TNFRSF13B: variants seen among roughly 807,000 people sequenced by gnomAD.
The protein encoded by TNFRSF13B is tumor necrosis factor receptor superfamily member 13B.
TNFRSF13B carries 34 observed loss-of-function variants against 24.0 expected under a neutral mutation model. The observed-to-expected ratio is 1.41, with a 90% confidence interval of 1.08 to 1.88. The LOEUF is 1.88. Among genes scored for constraint, TNFRSF13B ranks in the 40% most tolerant of loss-of-function variants. The pLI is 0.00. For synonymous variants in TNFRSF13B, 173 were observed against 150.3 expected (o/e 1.15, Z -1.10); for missense variants, 415 against 380.8 (o/e 1.09, Z -0.75).
chr17:16,946,502 A>G (rs1486780040), intron 3 of TNFRSF13B, among the ~76,000 whole-genome samples: 5 of 152,246 alleles, frequency 3.3e-5, no homozygotes, highest in Admixed American at 3.3e-4. Context: ...CCTTCTTGCC[A>G]TGTCCAAAGT....
intron 1 of TNFRSF13B, among the ~76,000 whole-genome samples, chr17:16,966,247 C>G (rs1362166304): frequency 6.7e-6 from 1 of 149,836 alleles, no homozygotes; most frequent in South Asian, 2.2e-4. Context: ...GAGTGAGACT[C>G]CATCTCAAAA....
At chr17:16,949,300 A>G (rs535332249) in intron 2 of TNFRSF13B, among the ~76,000 whole-genome samples, 40 of 152,314 alleles carry the variant, frequency 2.6e-4, no homozygotes, top group African/African-American at 9.6e-4. Context: ...AAACGTATGA[A>G]GATTTTCAGT....
At chr17:16,958,946 C>T (rs2087643406) in intron 1 of TNFRSF13B, among the ~76,000 whole-genome samples, 1 of 151,972 alleles carries the variant, frequency 6.6e-6, no homozygotes, top group African/African-American at 2.4e-5. Context: ...ACATCAAGAA[C>T]ACTATAAACC....
At chr17:16,949,206 C>T (rs546318963) in intron 2 of TNFRSF13B, among the ~76,000 whole-genome samples, 6 of 152,300 alleles carry the variant, frequency 3.9e-5, no homozygotes, top group Non-Finnish European at 2.9e-5. Flanking sequence ...TATTTTTCCT[C>T]TACCTAGATC....
At chr17:16,963,771 C>T (rs113168180) in intron 1 of TNFRSF13B, among the ~76,000 whole-genome samples, 18 of 152,252 alleles carry the variant, frequency 1.2e-4, no homozygotes, top group African/African-American at 4.1e-4. Flanking sequence ...AGGATGGTCT[C>T]GATCTCCTGA....
intron 2 of TNFRSF13B, among the ~76,000 whole-genome samples, chr17:16,952,215 C>T (rs1285589883): frequency 6.6e-6 from 1 of 152,102 alleles, no homozygotes; most frequent in Non-Finnish European, 1.5e-5. Flanking sequence ...TTCCAGGCAG[C>T]GGGAATAGCA....
chr17:16,960,508 G>T (rs1055267223), intron 1 of TNFRSF13B, among the ~76,000 whole-genome samples: 3 of 152,152 alleles, frequency 2.0e-5, no homozygotes, highest in Non-Finnish European at 4.4e-5. Context: ...TCCATTCAAT[G>T]GGGAAAAGGA....
chr17:16,946,059 G>A (rs920042325), intron 3 of TNFRSF13B, among the ~76,000 whole-genome samples: 5 of 152,240 alleles, frequency 3.3e-5, no homozygotes, highest in African/African-American at 1.2e-4. Context: ...GCTGAGCCCA[G>A]CCAAACCCCT....
chr17:16,969,002 C>T (rs2087725093), intron 1 of TNFRSF13B, among the ~76,000 whole-genome samples: 1 of 152,144 alleles, frequency 6.6e-6, no homozygotes, highest in African/African-American at 2.4e-5. Context: ...AGTGAGATAC[C>T]ACCTCACACC....
At chr17:16,943,347 C>G (rs1743778159) in intron 3 of TNFRSF13B, among the ~76,000 whole-genome samples, 1 of 152,184 alleles carries the variant, frequency 6.6e-6, no homozygotes, top group African/African-American at 2.4e-5. Flanking sequence ...CCCAGGAGGC[C>G]TAGTTCTGAC....
At chr17:16,952,980 A>C (rs561918827) in intron 1 of TNFRSF13B, among the ~76,000 whole-genome samples, 29 of 151,992 alleles carry the variant, frequency 1.9e-4, no homozygotes, top group Non-Finnish European at 4.3e-4. Context: ...ATTCCTTCTC[A>C]GACTGAGACC....
At chr17:16,940,033 C>T in intron 4 of TNFRSF13B, 1 of 976,524 alleles carries the variant, frequency 1.0e-6, no homozygotes, top group East Asian at 2.6e-5. Flanking sequence ...TGCCACGCCC[C>T]CCAAGGGGAC....
intron 1 of TNFRSF13B, among the ~76,000 whole-genome samples, chr17:16,962,333 C>G (rs1680841488): frequency 1.3e-5 from 2 of 151,974 alleles, no homozygotes; most frequent in Admixed American, 1.3e-4. Flanking sequence ...ATGGTGAAAC[C>G]CTGTCTTCAC....
chr17:16,948,693 T>C (rs1202401875), intron 3 of TNFRSF13B, 45 bp downstream of exon 3: 1 of 1,612,344 alleles, frequency 6.2e-7, no homozygotes, highest in African/African-American at 1.3e-5. Flanking sequence ...TCCCACGCTT[T>C]CTCACCCTGC....
intron 2 of TNFRSF13B, among the ~76,000 whole-genome samples, chr17:16,951,964 A>G (rs1171908269): frequency 6.6e-6 from 1 of 152,246 alleles, no homozygotes; most frequent in African/African-American, 2.4e-5. Flanking sequence ...TTGGGAAAGT[A>G]CAAGGCAGAA....
intron 2 of TNFRSF13B, 120 bp downstream of exon 2, chr17:16,952,326 A>G: frequency 6.9e-7 from 1 of 1,441,020 alleles, no homozygotes; most frequent in Non-Finnish European, 9.6e-7. Flanking sequence ...GAGGTGCCAC[A>G]CTGTACATCT....
At chr17:16,940,738 C>T (rs1567649951) in intron 3 of TNFRSF13B, 15 of 1,435,572 alleles carry the variant, frequency 1.0e-5, no homozygotes, top group East Asian at 2.5e-5. Context: ...AAGCTGGAAA[C>T]GTGAGCTAGG....
rs116814511 is a variant in TNFRSF13B at position 16,946,031 on chromosome 17, C to T, written c.445+2707G>A. Among the ~76,000 whole-genome samples the T allele has an allele frequency of 2.3e-3, 352 of 152,352 alleles. 1 individual carries two copies. Among genetic ancestry groups the T allele is most frequent in the African/African-American group, 8.2e-3 (342 of 41,584 alleles). On this transcript the variant is annotated intron_variant, in intron 3 of 4. Transcript: ENST00000261652. ...GGAGGAGGATGAGAGGCACATGGAG[C>T]AGAGCCAGCCTGGCACAGCTGAGCC...
intron 1 of TNFRSF13B, among the ~76,000 whole-genome samples, chr17:16,968,855 A>G (rs1337229414): frequency 2.0e-5 from 3 of 152,256 alleles, no homozygotes; most frequent in Admixed American, 2.0e-4. Flanking sequence ...CAGAATAATG[A>G]AAAGGCAACC....
Sources: allele counts gnomAD v4.1 joint callset (sites outside exome capture counted in the v4.1 genomes callset), GRCh38; gene constraint gnomAD v4.1.1; transcripts MANE v1.5; gene names NCBI Gene and HGNC (gene_info 2026-07-23, HGNC 2026-07-21).